The following NLGN1 variants were observed in gnomAD, a reference collection of about 807,000 sequenced individuals.
NLGN1 encodes neuroligin 1.
In NLGN1, 12 loss-of-function variants were observed where a neutral mutation model predicts 65.5. The observed-to-expected ratio is 0.18, with a 90% confidence interval of 0.12 to 0.30. The LOEUF is 0.30. NLGN1 is among the 10% of genes least tolerant of loss of function. The pLI is 1.00. For missense variants in NLGN1, 750 were observed against 1,007.1 expected, an observed-to-expected ratio of 0.74 and a Z score of 3.46; for synonymous variants, 350 against 359.5, an observed-to-expected ratio of 0.97 and a Z score of 0.30.
intron 2 of NLGN1, among the ~76,000 whole-genome samples, chr3:173,501,920 T>C (rs367611986): frequency 5.9e-5 from 9 of 152,182 alleles, no homozygotes; most frequent in African/African-American, 9.6e-5. Flanking sequence ...CCACATACCT[T>C]GGTACAGTCA....
chr3:173,586,799 A>G (rs982871732), intron 2 of NLGN1, among the ~76,000 whole-genome samples: 4 of 152,312 alleles, frequency 2.6e-5, no homozygotes, highest in South Asian at 2.1e-4. Flanking sequence ...TTACTCTGCT[A>G]TAAGTCACGT....
chr3:174,246,884 G>A (rs530385440), intron 4 of NLGN1, among the ~76,000 whole-genome samples: 2 of 152,262 alleles, frequency 1.3e-5, no homozygotes, highest in African/African-American at 4.8e-5. Context: ...AGAAAGCATA[G>A]CTGGTTCACT....
chr3:173,950,057 A>G (rs1342887289), intron 4 of NLGN1, among the ~76,000 whole-genome samples: 1 of 152,228 alleles, frequency 6.6e-6, no homozygotes, highest in African/African-American at 2.4e-5. Context: ...AATGAGATTT[A>G]GTATCCTTTT....
At chr3:174,223,494 T>C (rs1431492542) in intron 4 of NLGN1, among the ~76,000 whole-genome samples, 1 of 152,120 alleles carries the variant, frequency 6.6e-6, no homozygotes, top group African/African-American at 2.4e-5. Flanking sequence ...TGGTATTCTC[T>C]AGCATTTATT....
In NLGN1 at chr3:174,280,421, T is replaced by A; in HGVS notation, c.1650-60T>A. On this transcript the variant is annotated intron_variant, in intron 6 of 6. Coordinates refer to ENST00000457714, the Ensembl canonical transcript of NLGN1. This position sits in a 1 kb window ranked among gnomAD's most constrained non-coding sequence, Gnocchi z 4.9. ...ATTTAATTATTAGATGTTAAAGTAGTGTGATTTTAAGTAAAAAATAAAATA... is the reference window on the plus strand; with the variant it reads ...ATTTAATTATTAGATGTTAAAGTAGAGTGATTTTAAGTAAAAAATAAAATA... 1.8e-6 allele frequency: 2 copies of A among 1,134,846 alleles called. No homozygotes were observed. Among genetic ancestry groups the A allele is most frequent in the Non-Finnish European group, 2.5e-6 (2 of 794,904 alleles). The allele number at this position is 1,134,846 out of a possible 1,614,324, so 70.3% of individuals were successfully genotyped here.
chr3:173,611,648 T>C (rs1752313281), intron 3 of NLGN1, among the ~76,000 whole-genome samples: 1 of 152,008 alleles, frequency 6.6e-6, no homozygotes, highest in Non-Finnish European at 1.5e-5. Context: ...CTAAACAGTG[T>C]AAGTTGGGAC....
intron 2 of NLGN1, among the ~76,000 whole-genome samples, chr3:173,472,871 T>A (rs1266754281): frequency 6.6e-6 from 1 of 152,186 alleles, no homozygotes; most frequent in Non-Finnish European, 1.5e-5. Context: ...CCAAATGGCA[T>A]AAGTGAATTG....
chr3:173,500,883 GC>G (rs1730986119), intron 2 of NLGN1, among the ~76,000 whole-genome samples: 2 of 151,766 alleles, frequency 1.3e-5, no homozygotes, highest in African/African-American at 4.8e-5. Context: ...TTGAGTAACT[GC>G]TTTTATTCTT....
At chr3:173,601,644 A>G (rs1248146577) in intron 2 of NLGN1, among the ~76,000 whole-genome samples, 1 of 152,028 alleles carries the variant, frequency 6.6e-6, no homozygotes, top group Non-Finnish European at 1.5e-5. Flanking sequence ...ATTTATCAAT[A>G]TCTATTGATG....
At chr3:173,699,309 T>C (rs1416336886) in intron 3 of NLGN1, among the ~76,000 whole-genome samples, 1 of 152,204 alleles carries the variant, frequency 6.6e-6, no homozygotes, top group African/African-American at 2.4e-5. Context: ...AGGTTAACAA[T>C]GCACATCCAT....
At chr3:173,700,670 A>C (rs1309819032) in intron 3 of NLGN1, among the ~76,000 whole-genome samples, 2 of 152,192 alleles carry the variant, frequency 1.3e-5, no homozygotes, top group African/African-American at 4.8e-5. Context: ...CTATTACTTG[A>C]ATCTAATTTC....
intron 1 of NLGN1, among the ~76,000 whole-genome samples, chr3:173,431,066 AT>A (rs1363483697): frequency 2.0e-5 from 3 of 152,256 alleles, no homozygotes; most frequent in Admixed American, 2.0e-4. Flanking sequence ...TACTCATTCT[AT>A]TTTCATTAAA....
At chr3:173,740,197 T>C (rs765517455) in intron 3 of NLGN1, among the ~76,000 whole-genome samples, 31 of 152,082 alleles carry the variant, frequency 2.0e-4, no homozygotes, top group Non-Finnish European at 4.4e-5. Flanking sequence ...CACACAGTAC[T>C]TATCCCTGGA....
intron 4 of NLGN1, among the ~76,000 whole-genome samples, chr3:174,271,189 C>A (rs1749327477): frequency 6.6e-6 from 1 of 151,782 alleles, no homozygotes; most frequent in African/African-American, 2.4e-5. Flanking sequence ...TAAACATAGG[C>A]ACTCAAATAT....
chr3:173,446,191 A>T (rs1720251570), intron 2 of NLGN1, among the ~76,000 whole-genome samples: 1 of 150,804 alleles, frequency 6.6e-6, no homozygotes. Context: ...CATTAGGTAT[A>T]TCTCCTAATG....
chr3:173,617,684 C>A (rs957179787), intron 3 of NLGN1, among the ~76,000 whole-genome samples: 17 of 152,174 alleles, frequency 1.1e-4, no homozygotes, highest in African/African-American at 4.1e-4. Flanking sequence ...CAAGTGGCTG[C>A]CAACAGCCAG....
intron 4 of NLGN1, among the ~76,000 whole-genome samples, chr3:173,923,864 C>T (rs1742515930): frequency 6.6e-6 from 1 of 152,030 alleles, no homozygotes; most frequent in Non-Finnish European, 1.5e-5. Context: ...TAATTTTTAT[C>T]ATAGATATCT....
intron 3 of NLGN1, among the ~76,000 whole-genome samples, chr3:173,715,444 A>T (rs1259772526): frequency 2.0e-5 from 3 of 151,948 alleles, no homozygotes; most frequent in African/African-American, 7.2e-5. Context: ...GTGATGGGTG[A>T]TTTTCTTGGC....
At chr3:173,582,473 C>G (rs1326041421) in intron 2 of NLGN1, among the ~76,000 whole-genome samples, 1 of 151,982 alleles carries the variant, frequency 6.6e-6, no homozygotes, top group East Asian at 1.9e-4. Context: ...TTTTGCTGGA[C>G]TTGTAAATTT....
Sources: allele counts gnomAD v4.1 joint callset (sites outside exome capture counted in the v4.1 genomes callset), GRCh38; gene constraint gnomAD v4.1.1; non-coding constraint Gnocchi (gnomAD v3.1); transcripts MANE v1.5; gene names NCBI Gene and HGNC (gene_info 2026-07-23, HGNC 2026-07-21).